The following MECOM variants were observed in gnomAD, a reference collection of about 807,000 sequenced individuals.
MECOM encodes the protein histone-lysine N-methyltransferase MECOM.
MECOM carries 13 observed loss-of-function variants against 116.3 expected under a neutral mutation model. The observed-to-expected ratio is 0.11, with a 90% CI of 0.07 to 0.18. The LOEUF is 0.18. Among genes scored for constraint, MECOM ranks in the 10% least tolerant of loss-of-function variants. MECOM has a pLI of 1.00. For missense variants in MECOM, 1,299 were observed against 1,509.0 expected, an observed-to-expected ratio of 0.86 and a Z score of 2.31; for synonymous variants, 528 against 535.2, an observed-to-expected ratio of 0.99 and a Z score of 0.19.
chr3:169,572,977 G>GAA (rs200178352), intron 1 of MECOM, among the ~76,000 whole-genome samples: 3 of 148,790 alleles, frequency 2.0e-5, no homozygotes, highest in African/African-American at 7.4e-5. Context: ...TAAAGTATAA[G>GAA]AAAAAAAAAA....
chr3:169,133,159 A>C (rs932554851), intron 3 of MECOM, among the ~76,000 whole-genome samples: 4 of 151,892 alleles, frequency 2.6e-5, no homozygotes, highest in East Asian at 1.9e-4. Flanking sequence ...ATAACACAAC[A>C]ACCACCATCA....
chr3:169,083,515 G>T lies in MECOM; in HGVS notation c.*1394C>A. On this transcript the variant is annotated 3_prime_UTR_variant, in exon 17 of 17. Transcript: ENST00000651503. ...ACAGTGGGGAAAAATACTCCTTTTT[G>T]TAAGTCTTTATTTTTTAGTTGCTCC... 1 of 181,192 alleles carries T rather than the reference G, an allele frequency of 5.5e-6. No individual in the cohort carries two copies. The highest frequency in any genetic ancestry group is 1.2e-5 in the Non-Finnish European group (1 of 84,484). The allele number at this position is 181,192 out of a possible 1,614,324, so 11.2% of individuals were successfully genotyped here.
chr3:169,102,278 A>G, intron 10 of MECOM, 52 bp from the exon 11 acceptor site: 1 of 1,529,084 alleles, frequency 6.5e-7, no homozygotes, highest in Non-Finnish European at 8.8e-7. Context: ...TGTCTTCTAT[A>G]ATAATCTCTG....
chr3:169,349,337 A>C (rs1725908038), intron 2 of MECOM, among the ~76,000 whole-genome samples: 1 of 151,826 alleles, frequency 6.6e-6, no homozygotes, highest in South Asian at 2.1e-4. Flanking sequence ...ACAGGACGAT[A>C]CTATTACAAA....
chr3:169,649,203 T>C (rs1774557855), intron 1 of MECOM, among the ~76,000 whole-genome samples: 1 of 152,118 alleles, frequency 6.6e-6, no homozygotes, highest in Non-Finnish European at 1.5e-5. Flanking sequence ...CTCACTCCTG[T>C]AATCCCAGCA....
At chr3:169,417,481 G>C (rs1301510272) in intron 1 of MECOM, among the ~76,000 whole-genome samples, 2 of 152,172 alleles carry the variant, frequency 1.3e-5, no homozygotes, top group Non-Finnish European at 2.9e-5. Flanking sequence ...TGGATGTGGA[G>C]AAATAGGAAC....
intron 1 of MECOM, among the ~76,000 whole-genome samples, chr3:169,445,813 C>T (rs1190823478): frequency 2.0e-5 from 3 of 152,208 alleles, no homozygotes; most frequent in Non-Finnish European, 4.4e-5. Flanking sequence ...ACCATGGGAA[C>T]CCCCTCTTGC....
intron 2 of MECOM, among the ~76,000 whole-genome samples, chr3:169,249,472 T>C (rs1325676496): frequency 6.6e-6 from 1 of 152,228 alleles, no homozygotes; most frequent in Non-Finnish European, 1.5e-5. Context: ...GAGGTATTGT[T>C]ACTCTAATTC....
chr3:169,251,034 G>GA (rs1037403026), intron 2 of MECOM, among the ~76,000 whole-genome samples: 2 of 152,186 alleles, frequency 1.3e-5, no homozygotes, highest in African/African-American at 4.8e-5. Flanking sequence ...GGCAGTGTCT[G>GA]AATTTTCTTC....
chr3:169,139,596 T>C (rs1217157821), intron 3 of MECOM, among the ~76,000 whole-genome samples: 1 of 152,140 alleles, frequency 6.6e-6, no homozygotes, highest in Non-Finnish European at 1.5e-5. Context: ...CTTAGGTAAA[T>C]TGTGTCTTAG....
At chr3:169,287,745 T>C (rs1460783639) in intron 2 of MECOM, among the ~76,000 whole-genome samples, 1 of 152,174 alleles carries the variant, frequency 6.6e-6, no homozygotes, top group Non-Finnish European at 1.5e-5. Context: ...TGTCAATAAA[T>C]ATGCTTTGGT....
intron 1 of MECOM, among the ~76,000 whole-genome samples, chr3:169,521,869 A>G (rs1239862314): frequency 6.6e-6 from 1 of 152,240 alleles, no homozygotes. Flanking sequence ...TCTGCCTTGA[A>G]TAAGTACAGA....
At chr3:169,092,172 T>G (rs577892657) in intron 14 of MECOM, among the ~76,000 whole-genome samples, 7 of 152,208 alleles carry the variant, frequency 4.6e-5, no homozygotes, top group Admixed American at 1.3e-4. Flanking sequence ...TTTAAATGAA[T>G]TAAGCTATTC....
chr3:169,502,396 CT>C (rs1428196987), intron 1 of MECOM, among the ~76,000 whole-genome samples: 3 of 152,128 alleles, frequency 2.0e-5, no homozygotes, highest in African/African-American at 7.2e-5. Context: ...GCCTTGACTA[CT>C]GTCCCATTTC....
At chr3:169,512,004 A>C (rs749619258) in intron 1 of MECOM, among the ~76,000 whole-genome samples, 1 of 152,250 alleles carries the variant, frequency 6.6e-6, no homozygotes, top group Middle Eastern at 3.4e-3. Flanking sequence ...AGGGCACACA[A>C]AAGCACTCAG....
chr3:169,497,594 G>T (rs1753983030), intron 1 of MECOM, among the ~76,000 whole-genome samples: 2 of 152,088 alleles, frequency 1.3e-5, no homozygotes, highest in Non-Finnish European at 2.9e-5. Context: ...CTGACCTCAG[G>T]TGATCCACCC....
chr3:169,204,404 G>A (rs1327554794), intron 2 of MECOM, among the ~76,000 whole-genome samples: 1 of 152,092 alleles, frequency 6.6e-6, no homozygotes, highest in Non-Finnish European at 1.5e-5. Context: ...CACAAGCCTG[G>A]TCTGAGTCTG....
chr3:169,628,046 A>G (rs1002032537), intron 1 of MECOM, among the ~76,000 whole-genome samples: 3 of 152,128 alleles, frequency 2.0e-5, no homozygotes, highest in Non-Finnish European at 2.9e-5. Flanking sequence ...CTACATACCA[A>G]AGAGCACCCC....
At chr3:169,624,476 A>G (rs1771112719) in intron 1 of MECOM, among the ~76,000 whole-genome samples, 1 of 152,202 alleles carries the variant, frequency 6.6e-6, no homozygotes, top group African/African-American at 2.4e-5. Context: ...AGATGGAAAG[A>G]CAAGTTGAGG....
Sources: gnomAD v4.1 joint callset for allele counts (sites outside exome capture counted in the v4.1 genomes callset) on GRCh38, gnomAD v4.1.1 for gene constraint, MANE v1.5 for transcripts, NCBI Gene and HGNC (gene_info 2026-07-23, HGNC 2026-07-21) for gene names.